The following EXOC2 variants were observed in gnomAD, a reference collection of about 807,000 sequenced individuals.
The protein encoded by EXOC2 is exocyst complex component 2.
In EXOC2, 70 loss-of-function variants were observed where a neutral mutation model predicts 131.8. That is an observed-to-expected ratio of 0.53 (90% CI 0.44 to 0.65). The LOEUF (loss-of-function observed/expected upper bound fraction) is 0.65, where lower values mean the gene tolerates loss of function less well. Ranked by LOEUF, EXOC2 falls within the 30% of genes least tolerant of loss-of-function variation. The probability of loss-of-function intolerance (pLI) is 0.00; values close to 1 mark genes in which losing one functional copy is unlikely to be tolerated. For missense variants in EXOC2, 923 were observed against 1,108.6 expected (o/e 0.83, Z 2.38); for synonymous variants, 411 against 398.4 (o/e 1.03, Z -0.38).
intron 1 of EXOC2, among the ~76,000 whole-genome samples, chr6:647,928 A>G (rs571113685): frequency 1.3e-5 from 2 of 152,154 alleles, no homozygotes; most frequent in African/African-American, 2.4e-5. Context: ...TTATGACTGA[A>G]GAGTACAGGC....
intron 13 of EXOC2, among the ~76,000 whole-genome samples, chr6:570,136 CT>C (rs11423850): frequency 1.9e-4 from 26 of 139,924 alleles, no homozygotes; most frequent in South Asian, 4.5e-4. Context: ...AATTCTTTCT[CT>C]TTTTTTTTTT....
chr6:556,863 A>T (rs1463985903), intron 17 of EXOC2, among the ~76,000 whole-genome samples: 1 of 152,242 alleles, frequency 6.6e-6, no homozygotes, highest in Non-Finnish European at 1.5e-5. Flanking sequence ...AGAGGCCAAT[A>T]TACAACGAGG....
intron 17 of EXOC2, among the ~76,000 whole-genome samples, chr6:560,864 T>C (rs1757662492): frequency 6.6e-6 from 1 of 151,910 alleles, no homozygotes. Flanking sequence ...TGTACCACCG[T>C]GCCTGGCTAA....
intron 21 of EXOC2, among the ~76,000 whole-genome samples, chr6:553,518 G>A (rs879354835): frequency 3.9e-5 from 6 of 152,146 alleles, no homozygotes; most frequent in East Asian, 1.9e-4. Flanking sequence ...GGAGCCGTGA[G>A]GGGGTGGGCA....
rs952208174 is a variant in EXOC2 at position 572,417 on chromosome 6, A to G, written c.1443+103T>C. The G allele has an allele frequency of 1.4e-5, 19 of 1,375,784 alleles. No homozygotes were observed. In the South Asian group the frequency reaches 1.9e-4, roughly 14 times the overall value. The allele number at this position is 1,375,784 out of a possible 1,614,324, so 85.2% of individuals were successfully genotyped here. A position where few individuals can be genotyped will look rare whatever the true frequency, so the allele number is the denominator to read the frequency against. On this transcript the variant is annotated intron_variant, in intron 13 of 27. Coordinates refer to ENST00000230449, the MANE Select transcript of EXOC2 (RefSeq NM_018303.6). ...TTTTAAACTATGACGATGGCTAGAG[A>G]TGTTGGGCCTCTACATTTTAAAAAA... is the stretch of plus-strand genomic sequence containing the variant.
At chr6:621,796 C>T (rs1476831082) in intron 4 of EXOC2, among the ~76,000 whole-genome samples, 1 of 152,166 alleles carries the variant, frequency 6.6e-6, no homozygotes, top group Admixed American at 6.5e-5. Context: ...AGGTGGAGAA[C>T]TTTGAGTTTT....
chr6:629,374 G>A (rs1761733853), intron 4 of EXOC2, among the ~76,000 whole-genome samples: 1 of 152,124 alleles, frequency 6.6e-6, no homozygotes. Context: ...TCATTTACCT[G>A]GCAGAATTCT....
chr6:611,962 A>C lies in EXOC2; in HGVS notation c.662-1784T>G, dbSNP rs17756246. ...ACACTCAAATAAAATGTAGATATCA[A>C]ATTTGCAATTACAATAAGAAATTCA... On this transcript the variant is annotated intron_variant, in intron 6 of 27. Coordinates refer to ENST00000230449, the MANE Select transcript of EXOC2 (RefSeq NM_018303.6). Among the ~76,000 whole-genome samples, 1,420 of 152,356 alleles carry C rather than the reference A, an allele frequency of 9.3e-3. 10 individuals carry two copies. The highest frequency in any genetic ancestry group is 0.017 in the Non-Finnish European group (1,179 of 68,034).
chr6:652,050 C>A (rs1581631175), intron 1 of EXOC2, among the ~76,000 whole-genome samples: 2 of 141,672 alleles, frequency 1.4e-5, no homozygotes, highest in Admixed American at 7.0e-5. Flanking sequence ...AGTGAGATTC[C>A]ATCTCAAAAA....
At chr6:582,489 G>A (rs947932898) in intron 11 of EXOC2, among the ~76,000 whole-genome samples, 2 of 151,950 alleles carry the variant, frequency 1.3e-5, no homozygotes, top group Non-Finnish European at 2.9e-5. Context: ...TGCGCACAGC[G>A]GGCCGTTGTC....
intron 1 of EXOC2, among the ~76,000 whole-genome samples, chr6:658,061 ATC>A (rs966943322): frequency 6.6e-6 from 1 of 152,080 alleles, no homozygotes; most frequent in African/African-American, 2.4e-5. Context: ...CTTTAATGTT[ATC>A]TGTTTTTATG....
intron 1 of EXOC2, 140 bp from the exon 2 acceptor site, chr6:638,001 G>C (rs944274788): frequency 3.5e-6 from 2 of 570,884 alleles, no homozygotes; most frequent in African/African-American, 3.9e-5. Flanking sequence ...GGGTCATTTA[G>C]CCAATCAGCC....
intron 18 of EXOC2, 43 bp downstream of exon 18, chr6:556,441 G>C (rs1222102585): frequency 6.3e-7 from 1 of 1,594,446 alleles, no homozygotes; most frequent in East Asian, 2.2e-5. Context: ...GATTCCCAAG[G>C]CTCCCTGGGA....
Position 572,599 on chromosome 6 carries a change from A to C in EXOC2, c.1364T>G (p.Leu455Trp). Residue 455 changes from leucine (L) to tryptophan (W), a missense_variant, in exon 13 of 28, where the codon TTG becomes TGG. Coordinates refer to ENST00000230449, the MANE Select transcript of EXOC2 (RefSeq NM_018303.6). ...CAGCTGGCTCAAGACGAGTTTTGTC[A>C]ATTTTTCAACAAAGGCCACCCTGTG... ...TPHRVAFVEK[L>W]TKLVLSQLPN... 1.2e-6 allele frequency: 2 copies of C among 1,614,166 alleles called. No homozygotes were observed. The highest frequency in any genetic ancestry group is 3.3e-4 in the Middle Eastern group (2 of 6,062).
chr6:610,423 C>T (rs775366962), intron 6 of EXOC2, among the ~76,000 whole-genome samples: 44 of 152,220 alleles, frequency 2.9e-4, no homozygotes, highest in Admixed American at 1.5e-3. Flanking sequence ...GTGGTAAAAA[C>T]AGTTGAATTG....
chr6:488,884 T>C, intron 27 of EXOC2, 95 bp downstream of exon 27: 1 of 1,312,674 alleles, frequency 7.6e-7, no homozygotes, highest in East Asian at 2.4e-5. Flanking sequence ...CTGCTCTTCC[T>C]AGAATCCAAA....
intron 22 of EXOC2, among the ~76,000 whole-genome samples, chr6:535,620 C>T (rs767833161): frequency 1.3e-5 from 2 of 152,122 alleles, no homozygotes; most frequent in Non-Finnish European, 2.9e-5. Flanking sequence ...AAAACTGGCA[C>T]AAGTAGTCCT....
chr6:623,259 G>A (rs1017430743), intron 4 of EXOC2, among the ~76,000 whole-genome samples: 1 of 152,146 alleles, frequency 6.6e-6, no homozygotes, highest in South Asian at 2.1e-4. Context: ...TGAGATTCGA[G>A]CCCCACCCAC....
intron 2 of EXOC2, 77 bp from the exon 3 acceptor site, chr6:633,194 TA>T: frequency 6.8e-7 from 1 of 1,465,280 alleles, no homozygotes; most frequent in Non-Finnish European, 9.3e-7. Flanking sequence ...TTACATTTTT[TA>T]AATCTAGTCT....
Sources: allele counts gnomAD v4.1 joint callset (sites outside exome capture counted in the v4.1 genomes callset), GRCh38; gene constraint gnomAD v4.1.1; transcripts MANE v1.5; gene names NCBI Gene and HGNC (gene_info 2026-07-23, HGNC 2026-07-21).